The following GALNT13 variants were observed in gnomAD, a reference collection of about 807,000 sequenced individuals.
The protein encoded by GALNT13 is polypeptide N-acetylgalactosaminyltransferase 13, also known as UDP-GalNAc:polypeptide N-acetylgalactosaminyltransferase 13.
GALNT13 carries 28 observed loss-of-function variants against 64.2 expected under a neutral mutation model. That is an observed-to-expected ratio of 0.44 (90% confidence interval 0.32 to 0.60). The LOEUF (loss-of-function observed/expected upper bound fraction) is 0.60. Among genes scored for constraint, GALNT13 ranks in the 20% least tolerant of loss-of-function variants. The probability of loss-of-function intolerance (pLI) is 0.05; values close to 1 mark genes in which losing one functional copy is unlikely to be tolerated. For missense variants in GALNT13, 577 were observed against 669.8 expected (o/e 0.86, Z 1.53); for synonymous variants, 214 against 224.6 (o/e 0.95, Z 0.42).
At chr2:154,061,409 A>G (rs564686319) in intron 3 of GALNT13, among the ~76,000 whole-genome samples, 43 of 152,284 alleles carry the variant, frequency 2.8e-4, no homozygotes, top group African/African-American at 9.1e-4. Context: ...CTCACACAGG[A>G]TTTTGGGTCA....
chr2:153,491,153 A>G, the GALNT13 span, among the ~76,000 whole-genome samples: 1 of 152,098 alleles, frequency 6.6e-6, no homozygotes, highest in South Asian at 2.1e-4. Flanking sequence ...TGAAATGAAA[A>G]AAGCAAAATC....
At chr2:154,044,008 G>A (rs1408182143) in intron 3 of GALNT13, among the ~76,000 whole-genome samples, 1 of 152,140 alleles carries the variant, frequency 6.6e-6, no homozygotes, top group Admixed American at 6.5e-5. Flanking sequence ...GAAGGCAGAG[G>A]TTGCAGTGAG....
At chr2:153,109,013 A>C in the GALNT13 span, among the ~76,000 whole-genome samples, 1 of 152,174 alleles carries the variant, frequency 6.6e-6, no homozygotes, top group African/African-American at 2.4e-5. Flanking sequence ...GATTCTGATA[A>C]AGGCAAGATA....
Position 154,450,607 on chromosome 2 carries a change from A to C in GALNT13, c.*56A>C. The C allele has an allele frequency of 7.0e-7, 1 of 1,432,666 alleles. No individual in the cohort carries two copies. The highest frequency in any genetic ancestry group is 9.4e-7 in the Non-Finnish European group (1 of 1,069,140). The allele number at this position is 1,432,666 out of a possible 1,614,324, so 88.7% of individuals were successfully genotyped here. A position where few individuals can be genotyped will look rare whatever the true frequency, so the allele number is the denominator to read the frequency against. On this transcript the variant is annotated 3_prime_UTR_variant, in exon 13 of 13. Transcript: ENST00000392825. ...TACGCTTTTGTTTTTCCATTATTTC[A>C]ATTGGGGGAAAATATTAACTTTGCT...
At chr2:153,800,950 A>G in the GALNT13 span, among the ~76,000 whole-genome samples, 2 of 152,186 alleles carry the variant, frequency 1.3e-5, no homozygotes, top group Non-Finnish European at 2.9e-5. Context: ...CAGCTTCTCC[A>G]TCAGCACTTG....
At chr2:154,304,847 T>G (rs1376112501) in intron 9 of GALNT13, among the ~76,000 whole-genome samples, 1 of 152,210 alleles carries the variant, frequency 6.6e-6, no homozygotes, top group Non-Finnish European at 1.5e-5. Flanking sequence ...TTTTGGGGAA[T>G]GTGTTGAAGA....
the GALNT13 span, among the ~76,000 whole-genome samples, chr2:153,123,294 T>G: frequency 6.6e-6 from 1 of 152,160 alleles, no homozygotes; most frequent in Non-Finnish European, 1.5e-5. Flanking sequence ...CACCTTAACT[T>G]TAAACTCCTA....
chr2:153,181,222 A>T, the GALNT13 span, among the ~76,000 whole-genome samples: 1 of 115,118 alleles, frequency 8.7e-6, no homozygotes, highest in Non-Finnish European at 2.2e-5. Context: ...ATTTGTCTCA[A>T]GATATTTTTA....
At chr2:154,420,479 A>C (rs1438679025) in intron 11 of GALNT13, among the ~76,000 whole-genome samples, 1 of 152,068 alleles carries the variant, frequency 6.6e-6, no homozygotes, top group Non-Finnish European at 1.5e-5. Flanking sequence ...TTTATGCCTA[A>C]TTCGTTTTGA....
intron 3 of GALNT13, among the ~76,000 whole-genome samples, chr2:154,021,195 G>A (rs1384035569): frequency 6.6e-6 from 1 of 152,020 alleles, no homozygotes; most frequent in Non-Finnish European, 1.5e-5. Flanking sequence ...CTCTTTTTTG[G>A]TTCCATATGA....
chr2:154,090,477 A>G (rs137872852), intron 3 of GALNT13, among the ~76,000 whole-genome samples: 41 of 152,208 alleles, frequency 2.7e-4, no homozygotes, highest in South Asian at 1.0e-3. Context: ...ATATCAGCAC[A>G]AAAGAAATGT....
At chr2:154,256,200 T>A (rs1416848671) in intron 7 of GALNT13, among the ~76,000 whole-genome samples, 1 of 152,060 alleles carries the variant, frequency 6.6e-6, no homozygotes, top group African/African-American at 2.4e-5. Context: ...TCCCAGTGTC[T>A]TAATAGCAGA....
At chr2:154,281,001 T>C (rs990151210) in intron 8 of GALNT13, among the ~76,000 whole-genome samples, 14 of 152,208 alleles carry the variant, frequency 9.2e-5, no homozygotes, top group African/African-American at 3.1e-4. Flanking sequence ...CCAATAATTC[T>C]ACTTTTGTCT....
At chr2:153,193,857 A>G in the GALNT13 span, among the ~76,000 whole-genome samples, 1 of 152,154 alleles carries the variant, frequency 6.6e-6, no homozygotes, top group African/African-American at 2.4e-5. Context: ...TGTGGAAGAC[A>G]CTGTTGAGTT....
chr2:154,188,197 C>A (rs954294937), intron 4 of GALNT13, among the ~76,000 whole-genome samples: 1 of 152,022 alleles, frequency 6.6e-6, no homozygotes, highest in Non-Finnish European at 1.5e-5. Context: ...ACTCATTTGC[C>A]TTTGGTCAGA....
intron 3 of GALNT13, among the ~76,000 whole-genome samples, chr2:154,098,824 G>A (rs1702201671): frequency 6.6e-6 from 1 of 151,986 alleles, no homozygotes; most frequent in Non-Finnish European, 1.5e-5. Flanking sequence ...GTAATCCCTT[G>A]AAGGACAGGT....
the GALNT13 span, among the ~76,000 whole-genome samples, chr2:153,573,324 A>G: frequency 6.6e-6 from 1 of 151,816 alleles, no homozygotes; most frequent in Non-Finnish European, 1.5e-5. Flanking sequence ...CTTTTAGTCC[A>G]TATGTGCCTT....
chr2:153,985,559 C>T lies in GALNT13; in HGVS notation c.142+40920C>T, dbSNP rs150764424. Among the ~76,000 whole-genome samples, 89 of 151,900 alleles carry T rather than the reference C, an allele frequency of 5.9e-4. No individual in the cohort carries two copies. The East Asian group carries it at 0.014, about 24-fold the overall frequency. On this transcript the variant is annotated intron_variant, in intron 3 of 12. Transcript: ENST00000392825. ...TATTTTCAGCACCAAACTCAGTACCCGGCATAATAGTTACCTCATTCTGAA... is the reference window on the plus strand; with the variant it reads ...TATTTTCAGCACCAAACTCAGTACCTGGCATAATAGTTACCTCATTCTGAA...
At chr2:154,446,371 C>A in intron 12 of GALNT13, 1 of 395,356 alleles carries the variant, frequency 2.5e-6, no homozygotes, top group South Asian at 6.4e-5. Context: ...TCAGTCTTAT[C>A]TTCATTTACT....
Sources: gnomAD v4.1 joint callset for allele counts (sites outside exome capture counted in the v4.1 genomes callset) on GRCh38, gnomAD v4.1.1 for gene constraint, MANE v1.5 for transcripts, NCBI Gene and HGNC (gene_info 2026-07-23, HGNC 2026-07-21) for gene names.